AOPEP: variants seen among roughly 807,000 people sequenced by gnomAD.
AOPEP encodes the protein aminopeptidase O.
Under a neutral mutation model 98.1 loss-of-function variants are expected in AOPEP, and 77 were observed. The observed-to-expected ratio is 0.78, with a 90% CI of 0.65 to 0.95. AOPEP has a LOEUF of 0.95. AOPEP is among the 40% of genes least tolerant of loss of function. The pLI is 0.00. For missense variants in AOPEP, 1,024 were observed against 1,024.7 expected, an observed-to-expected ratio of 1.00 and a Z score of 0.01; for synonymous variants, 346 against 365.3, an observed-to-expected ratio of 0.95 and a Z score of 0.60.
At chr9:94,756,117 G>A (rs1431854397) in intron 1 of AOPEP, among the ~76,000 whole-genome samples, 4 of 152,002 alleles carry the variant, frequency 2.6e-5, no homozygotes, top group East Asian at 1.9e-4. Context: ...AAAATTAGCC[G>A]GGTGTGGTGG....
intron 11 of AOPEP, among the ~76,000 whole-genome samples, chr9:94,982,458 C>G (rs1251022666): frequency 6.6e-6 from 1 of 151,932 alleles, no homozygotes; most frequent in Admixed American, 6.6e-5. Flanking sequence ...TGTAGGCGCA[C>G]ATTCTTTTGA....
intron 6 of AOPEP, among the ~76,000 whole-genome samples, chr9:94,924,589 T>C (rs1332284243): frequency 6.6e-6 from 1 of 152,196 alleles, no homozygotes; most frequent in Non-Finnish European, 1.5e-5. Context: ...AGTGTATGTG[T>C]GTGTGTTTTA....
chr9:94,760,411 A>C lies in AOPEP; in HGVS notation c.628A>C (p.Ser210Arg). Residue 210 changes from serine to arginine, a missense_variant, in exon 2 of 17, where the codon AGC (serine) becomes CGC (arginine). Transcript: ENST00000375315. ...REQLDYYARCSQAPGCGELLF... is the reference protein window; with the variant it reads ...REQLDYYARCRQAPGCGELLF... ...GCAGTTAGACTATTACGCTCGCTGCAGCCAGGCTCCTGGCTGTGGGGAACT... is the reference window on the plus strand; with the variant it reads ...GCAGTTAGACTATTACGCTCGCTGCCGCCAGGCTCCTGGCTGTGGGGAACT... 1 of 1,614,090 alleles carries C rather than the reference A, an allele frequency of 6.2e-7. No individual in the cohort carries two copies. Among genetic ancestry groups the C allele is most frequent in the Non-Finnish European group, 8.5e-7 (1 of 1,179,974 alleles).
At chr9:95,109,240 A>AGAAT in the AOPEP span, among the ~76,000 whole-genome samples, 2 of 152,242 alleles carry the variant, frequency 1.3e-5, no homozygotes, top group African/African-American at 2.4e-5. Context: ...GGTATGTAAC[A>AGAAT]GAATGCTATT....
chr9:94,771,677 C>T (rs1485339626), intron 2 of AOPEP, among the ~76,000 whole-genome samples: 1 of 152,072 alleles, frequency 6.6e-6, no homozygotes, highest in Non-Finnish European at 1.5e-5. Flanking sequence ...CGTATTTCTC[C>T]TCCTCCTGTT....
At chr9:94,848,451 CA>C (rs35685082) in intron 5 of AOPEP, among the ~76,000 whole-genome samples, 10 of 75,794 alleles carry the variant, frequency 1.3e-4, no homozygotes, top group African/African-American at 2.4e-4. Context: ...GACTCCGTCT[CA>C]AAAAAAAAAA....
intron 11 of AOPEP, among the ~76,000 whole-genome samples, chr9:94,981,293 C>G (rs1035602262): frequency 6.6e-6 from 1 of 152,104 alleles, no homozygotes; most frequent in Non-Finnish European, 1.5e-5. Flanking sequence ...TACATTTTTT[C>G]CAAAGGTCTA....
chr9:94,956,041 A>C (rs909972788), intron 9 of AOPEP, 26 bp downstream of exon 9: 3 of 1,351,508 alleles, frequency 2.2e-6, no homozygotes, highest in Non-Finnish European at 3.2e-6. Context: ...TCATGAGTCC[A>C]TGATGTATGA....
Position 94,759,756 on chromosome 9 carries a change from A to T in AOPEP, c.-28A>T. 6.4e-7 allele frequency: 1 copy of T among 1,566,616 alleles called. No homozygotes were observed. Among genetic ancestry groups the T allele is most frequent in the Middle Eastern group, 1.8e-4 (1 of 5,680 alleles). ...ATAGGAAACCCCATCTGAGATTTTA[A>T]TAAATCCCTCAAACAATAAACCACA... On this transcript the variant is annotated 5_prime_UTR_variant, in exon 2 of 17. Transcript: ENST00000375315.
intron 11 of AOPEP, among the ~76,000 whole-genome samples, chr9:95,000,480 G>A (rs1226947583): frequency 6.6e-6 from 1 of 152,106 alleles, no homozygotes; most frequent in Non-Finnish European, 1.5e-5. Context: ...GGCCAAGGTG[G>A]GTGGATCACC....
At chr9:94,761,551 G>T (rs1838299736) in intron 2 of AOPEP, among the ~76,000 whole-genome samples, 1 of 152,026 alleles carries the variant, frequency 6.6e-6, no homozygotes, top group Middle Eastern at 3.2e-3. Flanking sequence ...AGTGGTCTTC[G>T]GCAATTGCTT....
At chr9:94,974,683 A>T (rs1408813688) in intron 10 of AOPEP, among the ~76,000 whole-genome samples, 1 of 152,170 alleles carries the variant, frequency 6.6e-6, no homozygotes, top group Non-Finnish European at 1.5e-5. Flanking sequence ...GGCTGTCTTC[A>T]GCAGGAGAGA....
chr9:95,079,186 T>TGG (rs1297136478), intron 14 of AOPEP, among the ~76,000 whole-genome samples: 1 of 152,206 alleles, frequency 6.6e-6, no homozygotes, highest in African/African-American at 2.4e-5. Context: ...CACTGTGGCC[T>TGG]GGGGGAAGGA....
At chr9:95,086,608 C>A (rs1455680872) in intron 16 of AOPEP, 74 bp from the exon 17 acceptor site, 1 of 991,338 alleles carries the variant, frequency 1.0e-6, no homozygotes. Context: ...AGAGCAAAGG[C>A]ACACAGAGGT....
intron 5 of AOPEP, among the ~76,000 whole-genome samples, chr9:94,895,360 A>G (rs2049389373): frequency 6.7e-6 from 1 of 150,300 alleles, no homozygotes; most frequent in Non-Finnish European, 1.5e-5. Context: ...TGGTCATGCC[A>G]CTGCACTCCA....
chr9:94,801,547 A>G (rs998239302), intron 5 of AOPEP, among the ~76,000 whole-genome samples: 1 of 152,244 alleles, frequency 6.6e-6, no homozygotes, highest in Non-Finnish European at 1.5e-5. Flanking sequence ...AGCTCAAAGC[A>G]GATGGCTTAC....
At chr9:95,014,525 G>C (rs1000259711) in intron 13 of AOPEP, among the ~76,000 whole-genome samples, 1 of 152,030 alleles carries the variant, frequency 6.6e-6, no homozygotes, top group Admixed American at 6.5e-5. Context: ...TGAGTGTATG[G>C]ACTTGAGTTG....
intron 5 of AOPEP, among the ~76,000 whole-genome samples, chr9:94,830,736 A>G (rs1388806638): frequency 6.6e-6 from 1 of 152,036 alleles, no homozygotes; most frequent in Non-Finnish European, 1.5e-5. Flanking sequence ...CTTTTCAATA[A>G]TTGCCATTTT....
intron 5 of AOPEP, among the ~76,000 whole-genome samples, chr9:94,822,883 G>A (rs1030880618): frequency 1.3e-5 from 2 of 152,050 alleles, no homozygotes; most frequent in Non-Finnish European, 2.9e-5. Flanking sequence ...TCTGTATCTC[G>A]CCCGTCTCCT....
Sources: allele counts gnomAD v4.1 joint callset (sites outside exome capture counted in the v4.1 genomes callset), GRCh38; gene constraint gnomAD v4.1.1; transcripts MANE v1.5; gene names NCBI Gene and HGNC (gene_info 2026-07-23, HGNC 2026-07-21).